DOCK1: variants seen among roughly 807,000 people sequenced by gnomAD.
The protein encoded by DOCK1 is dedicator of cytokinesis 1, also known as dedicator of cytokinesis protein 1.
DOCK1 carries 138 observed loss-of-function variants against 262.7 expected under a neutral mutation model. The observed-to-expected ratio is 0.53, with a 90% CI of 0.46 to 0.61. DOCK1 has a LOEUF of 0.61. Among genes scored for constraint, DOCK1 ranks in the 20% least tolerant of loss-of-function variants. The pLI is 0.00. For synonymous variants in DOCK1, 866 were observed against 867.4 expected (o/e 1.00, Z 0.03); for missense variants, 1,908 against 2,370.7 (o/e 0.80, Z 4.05).
intron 12 of DOCK1, among the ~76,000 whole-genome samples, chr10:127,014,334 A>G (rs151208464): frequency 1.1e-3 from 173 of 152,290 alleles, no homozygotes; most frequent in African/African-American, 3.9e-3. Flanking sequence ...GCAAATGTCA[A>G]CCCCAAATGC....
rs1410211768 is a variant in DOCK1 at position 127,094,907 on chromosome 10, G to C, written c.2446-11324G>C. Among the ~76,000 whole-genome samples, 2 of 152,200 alleles carry C rather than the reference G, an allele frequency of 1.3e-5. 1 individual carries two copies. Among genetic ancestry groups the C allele is most frequent in the African/African-American group, 4.8e-5 (2 of 41,454 alleles). On this transcript the variant is annotated intron_variant, in intron 23 of 51. Transcript: ENST00000623213. ...AGTCACGCTTTGCCTCCTGGAAGCT[G>C]TCTAGACAGGTGACCAGTTTTCACC... is the stretch of plus-strand genomic sequence containing the variant.
chr10:127,380,643 G>A lies in DOCK1; in HGVS notation c.3716+521G>A, dbSNP rs114877487. On this transcript the variant is annotated intron_variant, in intron 36 of 51. Coordinates refer to ENST00000623213, the MANE Select transcript of DOCK1 (RefSeq NM_001290223.2). ...ACTCGCCTTGCTCCCTGGAGTGAGG[G>A]ACTGTGATTGAGCCCTTCTCTCTTG... 1.8e-3 allele frequency among the ~76,000 whole-genome samples: 280 copies of A among 152,226 alleles called. 2 individuals are homozygous for A. The highest frequency in any genetic ancestry group is 6.5e-3 in the African/African-American group (271 of 41,540).
At chr10:127,343,528 T>G (rs927938075) in intron 30 of DOCK1, 118 bp from the exon 31 acceptor site, 30 of 641,644 alleles carry the variant, frequency 4.7e-5, no homozygotes, top group African/African-American at 2.7e-4. Flanking sequence ...TGAGTGTGGG[T>G]TTTTTTTTTA....
chr10:126,921,050 A>G (rs1029961813), intron 1 of DOCK1, among the ~76,000 whole-genome samples: 1 of 152,008 alleles, frequency 6.6e-6, no homozygotes, highest in African/African-American at 2.4e-5. Context: ...TACAAAAACA[A>G]TTAGTTGGGC....
At chr10:127,061,924 C>G in intron 23 of DOCK1, 148 bp downstream of exon 23, 1 of 402,330 alleles carries the variant, frequency 2.5e-6, no homozygotes, top group Non-Finnish European at 4.2e-6. Context: ...ATTTCAAGAG[C>G]TGTGCTTTTT....
chr10:127,263,900 A>G (rs2060265514), intron 29 of DOCK1, among the ~76,000 whole-genome samples: 1 of 152,130 alleles, frequency 6.6e-6, no homozygotes, highest in African/African-American at 2.4e-5. Flanking sequence ...TTTATGTACT[A>G]ATAACCCCTA....
intron 1 of DOCK1, among the ~76,000 whole-genome samples, chr10:126,961,979 T>C (rs936280805): frequency 1.3e-5 from 2 of 152,054 alleles, no homozygotes; most frequent in Non-Finnish European, 2.9e-5. Flanking sequence ...CCAAGGTTGT[T>C]ATTTTCTGTT....
intron 29 of DOCK1, among the ~76,000 whole-genome samples, chr10:127,261,339 G>GCC (rs2060097144): frequency 7.4e-6 from 1 of 135,494 alleles, no homozygotes; most frequent in African/African-American, 2.9e-5. Context: ...GTGGGTGTGC[G>GCC]TGTGTGTACC....
At chr10:127,089,175 G>A (rs1307220280) in intron 23 of DOCK1, among the ~76,000 whole-genome samples, 1 of 152,178 alleles carries the variant, frequency 6.6e-6, no homozygotes, top group Non-Finnish European at 1.5e-5. Context: ...TGCCCTTGAT[G>A]GAGTGCCTTG....
intron 23 of DOCK1, among the ~76,000 whole-genome samples, chr10:127,084,741 C>T (rs35131411): frequency 0.22 from 33,149 of 152,120 alleles, 5,108 homozygotes; most frequent in African/African-American, 0.44. Flanking sequence ...GCTGCTCTCA[C>T]TCCACCTGTC....
rs935365602 is a variant in DOCK1 at position 127,249,440 on chromosome 10, C to T, written c.2949+1331C>T. On this transcript the variant is annotated intron_variant, in intron 28 of 51. Coordinates refer to ENST00000623213, the MANE Select transcript of DOCK1 (RefSeq NM_001290223.2). ...ACATGTACATATATATATACACACA[C>T]ACACACACACACACACACACACGCA... Among the ~76,000 whole-genome samples the T allele has an allele frequency of 0.015, 2,095 of 143,530 alleles. 70 individuals carry two copies. The East Asian group carries it at 0.15, about 10-fold the overall frequency. 94.2% of individuals were successfully genotyped at this position (143,530 alleles called of 152,430 possible).
chr10:127,068,752 T>C (rs2046027460), intron 23 of DOCK1, among the ~76,000 whole-genome samples: 1 of 152,238 alleles, frequency 6.6e-6, no homozygotes, highest in Non-Finnish European at 1.5e-5. Context: ...CACCTATATA[T>C]ACACACATAT....
chr10:127,061,870 T>G, intron 23 of DOCK1, 94 bp downstream of exon 23: 2 of 824,558 alleles, frequency 2.4e-6, no homozygotes, highest in Non-Finnish European at 3.7e-6. Context: ...GTTAATTAAC[T>G]TGCCCCAAAT....
intron 27 of DOCK1, among the ~76,000 whole-genome samples, chr10:127,209,062 A>G (rs1451151890): frequency 2.0e-5 from 3 of 152,220 alleles, no homozygotes; most frequent in Non-Finnish European, 4.4e-5. Context: ...ACCGAAGGAA[A>G]CATCTTTGAA....
intron 1 of DOCK1, among the ~76,000 whole-genome samples, chr10:126,919,317 C>T (rs1366193242): frequency 6.6e-6 from 1 of 152,142 alleles, no homozygotes; most frequent in Non-Finnish European, 1.5e-5. Context: ...AGGCAAATAC[C>T]GATTTAGCAG....
intron 1 of DOCK1, among the ~76,000 whole-genome samples, chr10:126,948,249 ATGG>A (rs1178106774): frequency 8.1e-5 from 1 of 12,332 alleles, no homozygotes; most frequent in Admixed American, 9.9e-4. Context: ...GTTGGTGGTG[ATGG>A]TGGTGGTTGG....
chr10:127,006,614 T>C (rs975059609), intron 10 of DOCK1, among the ~76,000 whole-genome samples: 1 of 152,156 alleles, frequency 6.6e-6, no homozygotes, highest in Non-Finnish European at 1.5e-5. Context: ...CGATGAGCGG[T>C]GATGACTGGT....
At position 127,024,794 on chromosome 10, in the gene DOCK1, CAT is replaced by C; in HGVS notation, c.1551+12_1551+13del. 3.2e-6 allele frequency: 5 copies of C among 1,586,740 alleles called. No homozygotes were observed. Among genetic ancestry groups the C allele is most frequent in the Non-Finnish European group, 4.3e-6 (5 of 1,162,666 alleles). On this transcript the variant is annotated intron_variant, in intron 15 of 51. Transcript: ENST00000623213. The stretch of plus-strand genomic sequence containing the variant: ...TTTGAGACTGTTAAGGTATTATTTA[CAT>C]GGTCATTTTATCACATGGCGCTGAT...
intron 47 of DOCK1, among the ~76,000 whole-genome samples, chr10:127,430,345 G>A (rs72843724): frequency 0.25 from 38,727 of 152,082 alleles, 5,697 homozygotes; most frequent in East Asian, 0.42. Context: ...GTTGGGAGGG[G>A]TGTTGACTGG....
Sources: gnomAD v4.1 joint callset for allele counts (sites outside exome capture counted in the v4.1 genomes callset) on GRCh38, gnomAD v4.1.1 for gene constraint, MANE v1.5 for transcripts, NCBI Gene and HGNC (gene_info 2026-07-23, HGNC 2026-07-21) for gene names.